RBFOX1: variants seen among roughly 807,000 people sequenced by gnomAD.
The protein encoded by RBFOX1 is RNA binding protein fox-1 homolog 1.
RBFOX1 carries 8 observed loss-of-function variants against 57.7 expected under a neutral mutation model. The observed-to-expected ratio is 0.14, with a 90% CI of 0.08 to 0.25. The LOEUF (loss-of-function observed/expected upper bound fraction) is 0.25, where lower values mean the gene tolerates loss of function less well. Ranked by LOEUF, RBFOX1 falls within the 10% of genes least tolerant of loss-of-function variation. The probability of loss-of-function intolerance (pLI) is 1.00; values close to 1 mark genes in which losing one functional copy is unlikely to be tolerated. For missense variants in RBFOX1, 611 were observed against 548.5 expected, an observed-to-expected ratio of 1.11 and a Z score of -1.14; for synonymous variants, 326 against 222.4, an observed-to-expected ratio of 1.47 and a Z score of -4.15.
chr16:7,585,417 T>C (rs566641490), intron 6 of RBFOX1, among the ~76,000 whole-genome samples: 141 of 152,326 alleles, frequency 9.3e-4, no homozygotes, highest in African/African-American at 3.3e-3. Flanking sequence ...TGTTGGCGTT[T>C]CCATTGTGCA....
intron 3 of RBFOX1, among the ~76,000 whole-genome samples, chr16:5,746,390 T>A (rs1377292908): frequency 2.0e-5 from 3 of 152,208 alleles, no homozygotes; most frequent in Non-Finnish European, 4.4e-5. Flanking sequence ...CCAGCTTTGT[T>A]CTTTTGGTTT....
At chr16:5,421,730 A>G (rs1385405832) in intron 1 of RBFOX1, among the ~76,000 whole-genome samples, 1 of 152,332 alleles carries the variant, frequency 6.6e-6, no homozygotes, top group East Asian at 1.9e-4. Context: ...TAGCTGAATA[A>G]TAGTCTTGGA....
At chr16:7,503,994 AT>A (rs1306301221) in intron 4 of RBFOX1, among the ~76,000 whole-genome samples, 2 of 152,176 alleles carry the variant, frequency 1.3e-5, no homozygotes, top group Admixed American at 6.5e-5. Flanking sequence ...GGAAAAATGG[AT>A]GAACGGTGCC....
chr16:7,687,234 T>C (rs549165934), intron 14 of RBFOX1, among the ~76,000 whole-genome samples: 83 of 151,892 alleles, frequency 5.5e-4, no homozygotes, highest in Non-Finnish European at 1.1e-3. Context: ...AGGTAAAAAA[T>C]ATGAATCTGA....
chr16:7,252,240 T>G (rs2094523251), intron 4 of RBFOX1, among the ~76,000 whole-genome samples: 1 of 152,264 alleles, frequency 6.6e-6, no homozygotes, highest in African/African-American at 2.4e-5. Flanking sequence ...ATATCTCCAT[T>G]CATTTATTCG....
At chr16:6,507,041 A>T (rs1220435722) in intron 2 of RBFOX1, among the ~76,000 whole-genome samples, 1 of 152,036 alleles carries the variant, frequency 6.6e-6, no homozygotes, top group Non-Finnish European at 1.5e-5. Flanking sequence ...TTTCAACCCT[A>T]CGCTGTCCAT....
At chr16:7,235,469 TGTAAACATC>T (rs2093720466) in intron 4 of RBFOX1, among the ~76,000 whole-genome samples, 1 of 152,232 alleles carries the variant, frequency 6.6e-6, no homozygotes. Context: ...GTTTGTAAGA[TGTAAACATC>T]GTAAACAAGG....
chr16:7,384,199 A>G (rs2097839409), intron 4 of RBFOX1, among the ~76,000 whole-genome samples: 1 of 151,648 alleles, frequency 6.6e-6, no homozygotes, highest in African/African-American at 2.4e-5. Flanking sequence ...TATATGAAAT[A>G]TATATGAAAC....
At chr16:5,477,873 A>T (rs1033322933) in intron 2 of RBFOX1, among the ~76,000 whole-genome samples, 2 of 152,158 alleles carry the variant, frequency 1.3e-5, no homozygotes, top group Non-Finnish European at 2.9e-5. Context: ...AGTTAGCGTG[A>T]TGTTTTTCGT....
intron 2 of RBFOX1, among the ~76,000 whole-genome samples, chr16:5,481,476 G>C (rs2069539485): frequency 6.6e-6 from 1 of 152,186 alleles, no homozygotes; most frequent in Non-Finnish European, 1.5e-5. Context: ...TAAGTTCATG[G>C]ACCATTTTTG....
intron 1 of RBFOX1, among the ~76,000 whole-genome samples, chr16:5,274,395 C>T (rs559080539): frequency 6.6e-6 from 1 of 152,032 alleles, no homozygotes; most frequent in Admixed American, 6.6e-5. Context: ...CAGGCGTGGT[C>T]GTGGGTGCCT....
At chr16:5,753,538 C>G (rs2053288338) in intron 3 of RBFOX1, among the ~76,000 whole-genome samples, 1 of 152,110 alleles carries the variant, frequency 6.6e-6, no homozygotes, top group Admixed American at 6.5e-5. Flanking sequence ...TCTATAGGAC[C>G]TCTCCTCCAG....
chr16:6,850,915 T>C (rs973668497), intron 3 of RBFOX1, among the ~76,000 whole-genome samples: 1 of 152,198 alleles, frequency 6.6e-6, no homozygotes, highest in African/African-American at 2.4e-5. Flanking sequence ...CAAAACAACC[T>C]GTATGCAAAT....
At chr16:5,294,332 G>C (rs1433268576) in intron 1 of RBFOX1, among the ~76,000 whole-genome samples, 1 of 152,158 alleles carries the variant, frequency 6.6e-6, no homozygotes, top group African/African-American at 2.4e-5. Flanking sequence ...GCAGAGCCTG[G>C]GCACTGCGGT....
chr16:6,997,325 C>A (rs1251905824), intron 3 of RBFOX1, among the ~76,000 whole-genome samples: 1 of 152,126 alleles, frequency 6.6e-6, no homozygotes, highest in Admixed American at 6.6e-5. Flanking sequence ...ACATACTTAT[C>A]AGTATGAAGT....
chr16:5,252,045 A>C (rs1249387240), intron 1 of RBFOX1, among the ~76,000 whole-genome samples: 1 of 152,088 alleles, frequency 6.6e-6, no homozygotes. Flanking sequence ...TGAGCTGGGG[A>C]AGTGCAGGTC....
intron 2 of RBFOX1, among the ~76,000 whole-genome samples, chr16:6,522,154 A>AGTGTGTGTGTGTGT (rs35360830): frequency 9.8e-5 from 14 of 142,854 alleles, no homozygotes; most frequent in African/African-American, 3.4e-4. Flanking sequence ...GGGGACCCAC[A>AGTGTGTGTGTGTGT]GTGTGTGTGT....
At chr16:7,607,877 G>A (rs1253558840) in intron 10 of RBFOX1, among the ~76,000 whole-genome samples, 1 of 152,070 alleles carries the variant, frequency 6.6e-6, no homozygotes, top group Non-Finnish European at 1.5e-5. Flanking sequence ...TCTCTACTTT[G>A]CCTTCCAGAA....
At chr16:5,313,504 T>A (rs1021191585) in intron 1 of RBFOX1, among the ~76,000 whole-genome samples, 11 of 152,114 alleles carry the variant, frequency 7.2e-5, no homozygotes, top group African/African-American at 1.4e-4. Context: ...ACAAGAAGAC[T>A]GTATTAGTCC....
Sources: allele counts gnomAD v4.1 joint callset (sites outside exome capture counted in the v4.1 genomes callset), GRCh38; gene constraint gnomAD v4.1.1; transcripts MANE v1.5; gene names NCBI Gene and HGNC (gene_info 2026-07-23, HGNC 2026-07-21).